The following DCHS2 variants were observed in gnomAD, a reference collection of about 807,000 sequenced individuals.
DCHS2 encodes dachsous cadherin-related 2, also known as protocadherin-23.
A neutral mutation model predicts 182.4 loss-of-function variants in DCHS2; 142 were observed. The observed-to-expected ratio is 0.78, with a 90% CI of 0.68 to 0.89. DCHS2 has a LOEUF of 0.89. Ranked by LOEUF, DCHS2 falls within the 40% of genes least tolerant of loss-of-function variation. The probability of loss-of-function intolerance (pLI) is 0.00; values close to 1 mark genes in which losing one functional copy is unlikely to be tolerated. For synonymous variants in DCHS2, 1,740 were observed against 1,663.3 expected (o/e 1.05, Z -1.12); for missense variants, 4,319 against 4,198.6 (o/e 1.03, Z -0.79).
chr4:154,466,325 G>C (rs1735236921), intron 1 of DCHS2, among the ~76,000 whole-genome samples: 1 of 152,164 alleles, frequency 6.6e-6, no homozygotes, highest in Non-Finnish European at 1.5e-5. Flanking sequence ...TCATAGCAAA[G>C]GTGGTAGCCG....
chr4:154,263,462 C>T (rs1733081437), intron 14 of DCHS2, among the ~76,000 whole-genome samples: 1 of 151,748 alleles, frequency 6.6e-6, no homozygotes, highest in Admixed American at 6.6e-5. Context: ...GAGGACAAAA[C>T]AGAAATGAAG....
intron 3 of DCHS2, 104 bp downstream of exon 3, chr4:154,366,106 C>T (rs1411193306): frequency 1.3e-6 from 1 of 783,616 alleles, no homozygotes; most frequent in Non-Finnish European, 2.1e-6. Flanking sequence ...TCCTGCAACA[C>T]CCCCATTATT....
At chr4:154,343,301 TAA>T (rs777224959) in intron 3 of DCHS2, among the ~76,000 whole-genome samples, 1 of 152,206 alleles carries the variant, frequency 6.6e-6, no homozygotes, top group Non-Finnish European at 1.5e-5. Flanking sequence ...TTGTTCCACT[TAA>T]AGTCACCAGC....
At chr4:154,336,303 C>A (rs1445835217) in intron 3 of DCHS2, among the ~76,000 whole-genome samples, 5 of 152,142 alleles carry the variant, frequency 3.3e-5, no homozygotes, top group African/African-American at 1.2e-4. Flanking sequence ...ATTAATACTA[C>A]CACTTAGTGT....
intron 1 of DCHS2, among the ~76,000 whole-genome samples, chr4:154,434,553 C>T (rs1287942431): frequency 6.6e-6 from 1 of 152,096 alleles, no homozygotes. Context: ...AGGTGGAATA[C>T]AGAAAATTTC....
chr4:154,347,912 T>C (rs1578993687), intron 3 of DCHS2, among the ~76,000 whole-genome samples: 1 of 151,960 alleles, frequency 6.6e-6, no homozygotes, highest in Non-Finnish European at 1.5e-5. Context: ...TTCTGGTCCA[T>C]AGACTTATCT....
chr4:154,332,976 G>T lies in DCHS2; in HGVS notation c.3232C>A (p.His1078Asn). ...TGTTCGAAAGTCCAGGATGGGCTGT[G>T]TTCGCGTTTCTCGATAACGACTGTC... ...VLTVVIEKRE[H>N]SPSWTFEHLV... Residue 1078 changes from histidine to asparagine, a missense_variant, in exon 5 of 20, where the codon CAC (histidine) becomes AAC (asparagine). By Grantham distance (68) the His-to-Asn change is moderately conservative (BLOSUM62 1). Coordinates refer to ENST00000357232, the MANE Select transcript of DCHS2 (RefSeq NM_001358235.2). The T allele has an allele frequency of 6.2e-7, 1 of 1,614,192 alleles. No individual in the cohort carries two copies. Among genetic ancestry groups the T allele is most frequent in the Non-Finnish European group, 8.5e-7 (1 of 1,180,024 alleles).
intron 3 of DCHS2, among the ~76,000 whole-genome samples, chr4:154,347,807 C>T (rs1171614923): frequency 6.6e-6 from 1 of 151,916 alleles, no homozygotes; most frequent in Non-Finnish European, 1.5e-5. Flanking sequence ...AGTGGCCAAT[C>T]TGACCTGGTA....
chr4:154,368,512 T>C (rs985609453), intron 2 of DCHS2, among the ~76,000 whole-genome samples: 3 of 139,088 alleles, frequency 2.2e-5, no homozygotes, highest in South Asian at 5.1e-4. Context: ...GGAAAACGTA[T>C]AATACTTTTT....
rs753345305 is a variant in DCHS2, at chr4:154,297,967, C to T, written c.6347G>A (p.Gly2116Asp). ...IWLQLKVTDQ[G>D]IPARTTTGLL... is the part of the protein sequence containing the mutation. ...ACCCGTGGTTGTCCTGGCTGGAATGCCCTGGTCTGTAACTTTTAACTGCAG... is the reference window on the plus strand; with the variant it reads ...ACCCGTGGTTGTCCTGGCTGGAATGTCCTGGTCTGTAACTTTTAACTGCAG... Residue 2116 changes from glycine (G) to aspartate (D), a missense_variant, in exon 13 of 20, where the codon GGC (glycine) becomes GAC (aspartate). Coordinates refer to ENST00000357232, the MANE Select transcript of DCHS2 (RefSeq NM_001358235.2). 46 of 1,613,990 alleles carry T rather than the reference C, an allele frequency of 2.9e-5. No individual in the cohort carries two copies. Among genetic ancestry groups the T allele is most frequent in the Non-Finnish European group, 3.3e-5 (39 of 1,180,000 alleles).
intron 5 of DCHS2, among the ~76,000 whole-genome samples, chr4:154,330,742 G>A (rs533099289): frequency 2.6e-4 from 39 of 152,088 alleles, no homozygotes; most frequent in Admixed American, 5.2e-4. Context: ...TGCTGAATTG[G>A]TGAGCTTAAA....
chr4:154,482,081 G>A (rs1033512734), intron 1 of DCHS2, among the ~76,000 whole-genome samples: 7 of 152,260 alleles, frequency 4.6e-5, no homozygotes, highest in African/African-American at 7.2e-5. Context: ...AGGAAGACAC[G>A]GTGTCTTACT....
At chr4:154,277,627 C>T (rs1170562128) in intron 13 of DCHS2, among the ~76,000 whole-genome samples, 2 of 64,490 alleles carry the variant, frequency 3.1e-5, no homozygotes, top group African/African-American at 1.4e-4. Context: ...GCAGAAATCA[C>T]ACCAAAAAAA....
intron 10 of DCHS2, among the ~76,000 whole-genome samples, chr4:154,315,264 TAGAA>T (rs1735812287): frequency 6.6e-6 from 1 of 152,114 alleles, no homozygotes; most frequent in Non-Finnish European, 1.5e-5. Context: ...AGTAGGGAAA[TAGAA>T]AGAATTAGTA....
intron 13 of DCHS2, among the ~76,000 whole-genome samples, chr4:154,281,541 T>A (rs890908639): frequency 2.0e-5 from 3 of 152,038 alleles, no homozygotes; most frequent in Non-Finnish European, 1.5e-5. Context: ...AAGTCACAAA[T>A]AAATGGAAAA....
At chr4:154,341,272 G>C (rs1435497511) in intron 3 of DCHS2, among the ~76,000 whole-genome samples, 1 of 151,658 alleles carries the variant, frequency 6.6e-6, no homozygotes, top group African/African-American at 2.4e-5. Context: ...GGGAGGCTGA[G>C]GCAGGAGAAT....
chr4:154,364,876 T>C (rs888274089), intron 3 of DCHS2, among the ~76,000 whole-genome samples: 22 of 152,206 alleles, frequency 1.4e-4, no homozygotes, highest in Non-Finnish European at 1.3e-4. Flanking sequence ...ACCCACTGTT[T>C]GGATCAGGTG....
intron 13 of DCHS2, among the ~76,000 whole-genome samples, chr4:154,282,917 A>C (rs1480233178): frequency 6.6e-6 from 1 of 152,196 alleles, no homozygotes; most frequent in Non-Finnish European, 1.5e-5. Context: ...ATTATGTGAA[A>C]TAAGCCAGTT....
intron 1 of DCHS2, among the ~76,000 whole-genome samples, chr4:154,382,142 C>T (rs1192053065): frequency 6.6e-6 from 1 of 152,010 alleles, no homozygotes; most frequent in Non-Finnish European, 1.5e-5. Flanking sequence ...ACACCTACAG[C>T]CATCTGATCT....
Sources: allele counts gnomAD v4.1 joint callset (sites outside exome capture counted in the v4.1 genomes callset), GRCh38; gene constraint gnomAD v4.1.1; transcripts MANE v1.5; gene names NCBI Gene and HGNC (gene_info 2026-07-23, HGNC 2026-07-21).